The following ARMC2 variants were observed in gnomAD, a reference collection of about 807,000 sequenced individuals.
The protein encoded by ARMC2 is armadillo repeat-containing protein 2.
A neutral mutation model predicts 90.3 loss-of-function variants in ARMC2; 67 were observed. That is an observed-to-expected ratio of 0.74 (90% CI 0.61 to 0.91). The LOEUF (loss-of-function observed/expected upper bound fraction) is 0.91. ARMC2 is among the 40% of genes least tolerant of loss of function. The pLI, the probability that ARMC2 is intolerant of heterozygous loss-of-function variation, is 0.00. For missense variants in ARMC2, 920 were observed against 1,030.9 expected, an observed-to-expected ratio of 0.89 and a Z score of 1.47; for synonymous variants, 393 against 393.0, an observed-to-expected ratio of 1.00 and a Z score of 0.00.
chr6:108,962,112 A>G lies in ARMC2; in HGVS notation c.2137A>G (p.Ile713Val), dbSNP rs761463363. 3.7e-6 allele frequency: 6 copies of G among 1,608,350 alleles called. 1 individual carries two copies. The South Asian group carries it at 6.6e-5, about 18-fold the overall frequency. Residue 713 changes from isoleucine (I) to valine (V), a missense_variant, in exon 15 of 18, where the codon ATT becomes GTT. By Grantham distance (29) the Ile-to-Val change is conservative. Transcript: ENST00000392644. The part of the protein sequence containing the change: ...LSQDHDVCDF[I>V]VQNNVHRFMM... ...CCAGGACCATGATGTCTGCGATTTC[A>G]TTGTGCAGAACAATGGTGAGTTAAT...
chr6:108,867,723 A>C (rs891630570), intron 3 of ARMC2, among the ~76,000 whole-genome samples: 1 of 152,088 alleles, frequency 6.6e-6, no homozygotes, highest in African/African-American at 2.4e-5. Flanking sequence ...GTGAGCCAAG[A>C]TCGTGCCATT....
At chr6:108,870,932 G>A (rs1377522104) in intron 4 of ARMC2, among the ~76,000 whole-genome samples, 1 of 152,188 alleles carries the variant, frequency 6.6e-6, no homozygotes, top group Non-Finnish European at 1.5e-5. Flanking sequence ...TGAATGCTCT[G>A]AAGAAGATAA....
chr6:108,853,721 T>G (rs201825156), intron 1 of ARMC2, among the ~76,000 whole-genome samples: 2 of 152,338 alleles, frequency 1.3e-5, no homozygotes, highest in East Asian at 3.9e-4. Context: ...ATAGGTGAGT[T>G]GAATCAATTC....
chr6:108,987,637 A>G, the ARMC2 span: 2 of 1,473,140 alleles, frequency 1.4e-6, no homozygotes, highest in South Asian at 1.1e-5. Flanking sequence ...GAACCTGAAT[A>G]TAAAATACAA....
At chr6:108,889,683 A>T (rs1003455338) in intron 5 of ARMC2, among the ~76,000 whole-genome samples, 12 of 151,596 alleles carry the variant, frequency 7.9e-5, no homozygotes, top group Admixed American at 6.6e-4. Context: ...TCCTAGGTGC[A>T]AGTGATCGTC....
chr6:109,006,069 C>T, the ARMC2 span, among the ~76,000 whole-genome samples: 1 of 152,112 alleles, frequency 6.6e-6, no homozygotes, highest in African/African-American at 2.4e-5. Flanking sequence ...TAATAAATAG[C>T]AATAGCAGCA....
At chr6:108,970,640 G>A in intron 17 of ARMC2, among the ~76,000 whole-genome samples, 1 of 151,422 alleles carries the variant, frequency 6.6e-6, no homozygotes, top group Admixed American at 6.6e-5. Flanking sequence ...TGGGACTACA[G>A]GAGCCCGCCA....
the ARMC2 span, chr6:109,000,384 G>T: frequency 2.6e-6 from 2 of 781,996 alleles, no homozygotes; most frequent in Non-Finnish European, 3.8e-6. Context: ...GATTCAGGGG[G>T]TAGAAAATAG....
intron 5 of ARMC2, among the ~76,000 whole-genome samples, chr6:108,890,564 T>TA (rs541479260): frequency 0.012 from 1,760 of 147,938 alleles, 6 homozygotes; most frequent in South Asian, 0.033. Context: ...CATCTCTATT[T>TA]AAAAAAAAAA....
At chr6:109,040,492 G>A in the ARMC2 span, among the ~76,000 whole-genome samples, 1 of 151,962 alleles carries the variant, frequency 6.6e-6, no homozygotes, top group East Asian at 1.9e-4. Context: ...CTCATTCCTT[G>A]TGTACATACT....
the ARMC2 span, among the ~76,000 whole-genome samples, chr6:109,042,469 C>G: frequency 6.7e-6 from 1 of 148,706 alleles, no homozygotes; most frequent in Non-Finnish European, 1.5e-5. Context: ...AAGACTGACA[C>G]GGGAATTAAG....
intron 17 of ARMC2, among the ~76,000 whole-genome samples, chr6:108,968,623 G>T (rs1449617593): frequency 6.6e-6 from 1 of 152,192 alleles, no homozygotes; most frequent in African/African-American, 2.4e-5. Context: ...TGGGACTGCT[G>T]CGAGTGAAAT....
chr6:108,990,790 A>G, the ARMC2 span: 2 of 1,614,128 alleles, frequency 1.2e-6, no homozygotes, highest in Non-Finnish European at 1.7e-6. Flanking sequence ...ACATCTGGAT[A>G]AAGGCGATTT....
At chr6:108,930,097 C>T (rs1256054142) in intron 11 of ARMC2, among the ~76,000 whole-genome samples, 1 of 151,430 alleles carries the variant, frequency 6.6e-6, no homozygotes, top group African/African-American at 2.4e-5. Context: ...ACTTGCACTC[C>T]AGCCTGGGCA....
At chr6:109,024,411 G>T in the ARMC2 span, among the ~76,000 whole-genome samples, 1 of 152,124 alleles carries the variant, frequency 6.6e-6, no homozygotes, top group Non-Finnish European at 1.5e-5. Flanking sequence ...ACAGTAGCAG[G>T]AAGCCATTTT....
chr6:109,020,048 A>G, the ARMC2 span, among the ~76,000 whole-genome samples: 1 of 152,236 alleles, frequency 6.6e-6, no homozygotes, highest in South Asian at 2.1e-4. Flanking sequence ...ATGCAGTTCA[A>G]ATAGGTCACA....
At chr6:108,909,854 T>C (rs1420850765) in intron 8 of ARMC2, among the ~76,000 whole-genome samples, 1 of 152,186 alleles carries the variant, frequency 6.6e-6, no homozygotes, top group African/African-American at 2.4e-5. Flanking sequence ...TTTTCAACTT[T>C]AGATGTTACT....
intron 3 of ARMC2, among the ~76,000 whole-genome samples, chr6:108,863,385 T>G (rs1227950284): frequency 6.6e-6 from 1 of 152,148 alleles, no homozygotes; most frequent in Non-Finnish European, 1.5e-5. Flanking sequence ...GTCCGCCTGA[T>G]TTGTTGTCTT....
the ARMC2 span, among the ~76,000 whole-genome samples, chr6:109,052,887 AACTAC>A: frequency 1.3e-5 from 2 of 152,210 alleles, no homozygotes; most frequent in Non-Finnish European, 2.9e-5. Flanking sequence ...GGATGAGCAA[AACTAC>A]ACAGCTGCTA....
Sources: allele counts gnomAD v4.1 joint callset (sites outside exome capture counted in the v4.1 genomes callset), GRCh38; gene constraint gnomAD v4.1.1; transcripts MANE v1.5; gene names NCBI Gene and HGNC (gene_info 2026-07-23, HGNC 2026-07-21).